The following HYDIN variants were observed in gnomAD, a reference collection of about 807,000 sequenced individuals.
HYDIN encodes HYDIN axonemal central pair apparatus protein, also known as axonemal central pair apparatus protein HYDIN.
Under a neutral mutation model 403.9 loss-of-function variants are expected in HYDIN, and 132 were observed. That is an observed-to-expected ratio of 0.33 (90% CI 0.28 to 0.38). The LOEUF is 0.38. Among genes scored for constraint, HYDIN ranks in the 10% least tolerant of loss-of-function variants. The probability of loss-of-function intolerance (pLI) is 1.00; values close to 1 mark genes in which losing one functional copy is unlikely to be tolerated. For missense variants in HYDIN, 2,827 were observed against 5,009.5 expected, an observed-to-expected ratio of 0.56 and a Z score of 13.15; for synonymous variants, 1,202 against 1,891.7, an observed-to-expected ratio of 0.64 and a Z score of 9.46.
In HYDIN at chr16:71,079,897, C is replaced by G; in HGVS notation, c.1726G>C (p.Asp576His). 1 of 1,522,098 alleles carries G rather than the reference C, an allele frequency of 6.6e-7. No individual in the cohort carries two copies. The highest frequency in any genetic ancestry group is 2.3e-5 in the East Asian group (1 of 44,092). 94.3% of individuals were successfully genotyped at this position (1,522,098 alleles called of 1,614,324 possible). A position where few individuals can be genotyped will look rare whatever the true frequency, so the allele number is the denominator to read the frequency against. ...GAAAACTACTCACCAAAGGAAACAT[C>G]ACCAAAGTGCAGAGCTGGAACATTA... ...HFNVPALHFG[D>H]VSFGFPHTLI... The change falls in exon 13 of 86, where the codon GAT becomes CAT. Residue 576 changes from aspartate (D) to histidine (H), a missense_variant. Coordinates refer to ENST00000393567, the MANE Select transcript of HYDIN (RefSeq NM_001270974.2).
In HYDIN at chr16:71,224,994, T is replaced by G. The variant is rs189335075; in HGVS notation, c.-24+5568A>C. 6.1e-3 allele frequency among the ~76,000 whole-genome samples: 933 copies of G among 152,296 alleles called. 8 individuals are homozygous for G. The highest frequency in any genetic ancestry group is 0.024 in the Middle Eastern group (7 of 294). ...GCTAATTCTAGGCACAGGGAGACAA[T>G]CCAGCTTGGCTCAGGCAGAGGATTC... On this transcript the variant is annotated intron_variant, in intron 1 of 85. Transcript: ENST00000393567.
intron 12 of HYDIN, among the ~76,000 whole-genome samples, chr16:71,080,554 C>CTAT (rs977709516): frequency 8.8e-5 from 11 of 125,138 alleles, no homozygotes; most frequent in Non-Finnish European, 1.6e-4. Context: ...AAATGTTGGT[C>CTAT]TATTTCTCTC....
At chr16:70,819,854 C>T (rs1422668930) in intron 83 of HYDIN, among the ~76,000 whole-genome samples, 1 of 152,042 alleles carries the variant, frequency 6.6e-6, no homozygotes, top group Non-Finnish European at 1.5e-5. Context: ...GTCACCCGGA[C>T]TGGAGTGCAG....
At chr16:70,956,850 T>C (rs1206170558) in intron 39 of HYDIN, among the ~76,000 whole-genome samples, 2 of 151,660 alleles carry the variant, frequency 1.3e-5, no homozygotes, top group African/African-American at 4.9e-5. Context: ...CTTGTTATAG[T>C]AGCAACGGGG....
At chr16:70,879,537 A>G (rs2040651123) in intron 61 of HYDIN, 51 bp from the exon 62 acceptor site, 1 of 1,606,734 alleles carries the variant, frequency 6.2e-7, no homozygotes, top group Non-Finnish European at 8.5e-7. Flanking sequence ...GGTGGGAATG[A>G]CACTCCCTAC....
At chr16:71,202,241 C>T (rs1021554471) in intron 1 of HYDIN, among the ~76,000 whole-genome samples, 8 of 152,222 alleles carry the variant, frequency 5.3e-5, no homozygotes, top group African/African-American at 1.9e-4. Flanking sequence ...TGTGTATACA[C>T]ACCACTTAAG....
At chr16:70,901,898 T>G (rs1046468513) in intron 52 of HYDIN, among the ~76,000 whole-genome samples, 7 of 152,178 alleles carry the variant, frequency 4.6e-5, no homozygotes, top group African/African-American at 1.7e-4. Context: ...ATATGATTTT[T>G]AAAAATTGCA....
intron 1 of HYDIN, among the ~76,000 whole-genome samples, chr16:71,207,761 G>C (rs895351462): frequency 6.6e-6 from 1 of 152,122 alleles, no homozygotes; most frequent in Admixed American, 6.6e-5. Flanking sequence ...AAAAAAAGCA[G>C]AGGCTGCAAT....
chr16:70,881,291 G>C (rs560098848), intron 60 of HYDIN, among the ~76,000 whole-genome samples: 252 of 138,756 alleles, frequency 1.8e-3, no homozygotes, highest in Middle Eastern at 3.6e-3. Context: ...GAGGAAGAAA[G>C]CTGCCCCTTA....
chr16:71,084,601 C>A (rs2082880133), intron 12 of HYDIN, among the ~76,000 whole-genome samples: 1 of 146,752 alleles, frequency 6.8e-6, no homozygotes. Context: ...GTTGGCCAGG[C>A]TGGTCTCGAA....
intron 18 of HYDIN, among the ~76,000 whole-genome samples, chr16:71,043,501 C>T (rs1359751194): frequency 6.9e-6 from 1 of 145,782 alleles, no homozygotes; most frequent in Non-Finnish European, 1.5e-5. Flanking sequence ...CTGATAGTTC[C>T]TCAATTTTAT....
chr16:71,024,797 G>A (rs1003508603), intron 21 of HYDIN, among the ~76,000 whole-genome samples: 2 of 148,302 alleles, frequency 1.3e-5, no homozygotes, highest in Non-Finnish European at 3.0e-5. Context: ...CTACCCTTAC[G>A]TAGAGCCATT....
intron 28 of HYDIN, among the ~76,000 whole-genome samples, chr16:70,982,718 T>C (rs2079083892): frequency 6.8e-6 from 1 of 147,220 alleles, no homozygotes; most frequent in Non-Finnish European, 1.5e-5. Flanking sequence ...AGTTGCTACA[T>C]ATTATTCCAT....
rs754433109 is a variant in HYDIN, at chr16:70,902,813, ATATATATATTTTT to A, written c.8849+799_8849+811del. 8.9e-3 allele frequency among the ~76,000 whole-genome samples: 262 copies of A among 29,316 alleles called. 5 individuals carry two copies. The highest frequency in any genetic ancestry group is 0.015 in the East Asian group (14 of 956). 19.2% of individuals were successfully genotyped at this position (29,316 alleles called of 152,430 possible). On this transcript the variant is annotated intron_variant, in intron 52 of 85. Transcript: ENST00000393567. ...TCTTTAAATATATATATATATATATATATATATATTTTTTTTTTTTTTTTTGTCCCACTCTCTC... is the reference window on the plus strand; with the variant it reads ...TCTTTAAATATATATATATATATATATTTTTTTTTTTTGTCCCACTCTCTC...
At chr16:71,160,182 A>C (rs944755829) in intron 6 of HYDIN, among the ~76,000 whole-genome samples, 1 of 116,188 alleles carries the variant, frequency 8.6e-6, no homozygotes, top group African/African-American at 4.2e-5. Context: ...CATGCACAAA[A>C]ATAAGAAAAA....
At chr16:71,051,602 C>T (rs1299024608) in intron 18 of HYDIN, among the ~76,000 whole-genome samples, 1 of 147,932 alleles carries the variant, frequency 6.8e-6, no homozygotes, top group Non-Finnish European at 1.5e-5. Context: ...GCTGAGATCA[C>T]GCTACTGCAC....
rs1385957790 is a variant in HYDIN, at chr16:71,035,580, G to A, written c.2530-3663C>T. On this transcript the variant is annotated intron_variant, in intron 18 of 85. Coordinates refer to ENST00000393567, the MANE Select transcript of HYDIN (RefSeq NM_001270974.2). ...ATTTCTCATGCTTGAGTAACCAGACGTTCTCCTTTCTTATAACTGTTTTCC... is the reference window on the plus strand; with the variant it reads ...ATTTCTCATGCTTGAGTAACCAGACATTCTCCTTTCTTATAACTGTTTTCC... Among the ~76,000 whole-genome samples the A allele has an allele frequency of 5.8e-5, 8 of 138,598 alleles. No individual in the cohort carries two copies. The East Asian group carries it at 6.0e-4, about 10-fold the overall frequency. 90.9% of individuals were successfully genotyped at this position (138,598 alleles called of 152,430 possible).
chr16:70,973,520 T>A (rs563400139), intron 34 of HYDIN, 28 bp from the exon 35 acceptor site: 2 of 368,710 alleles, frequency 5.4e-6, no homozygotes, highest in South Asian at 1.1e-4. Context: ...GAGAATTAGA[T>A]CATCTTCTAT....
Position 70,805,837 on chromosome 16 carries a change from A to T in HYDIN, c.*1743T>A, listed in dbSNP as rs980709706. 7.2e-5 allele frequency among the ~76,000 whole-genome samples: 11 copies of T among 152,338 alleles called. No individual in the cohort carries two copies. The highest frequency in any genetic ancestry group is 6.2e-4 in the South Asian group (3 of 4,824). ...TCTATGGCTTCAGTTACCTGTGGTC[A>T]ACTGTGGAATGAAAATATTTAATGA... On this transcript the variant is annotated 3_prime_UTR_variant, in exon 86 of 86. Coordinates refer to ENST00000393567, the MANE Select transcript of HYDIN (RefSeq NM_001270974.2).
Sources: gnomAD v4.1 joint callset for allele counts (sites outside exome capture counted in the v4.1 genomes callset) on GRCh38, gnomAD v4.1.1 for gene constraint, MANE v1.5 for transcripts, NCBI Gene and HGNC (gene_info 2026-07-23, HGNC 2026-07-21) for gene names.